GRM8: variants seen among roughly 807,000 people sequenced by gnomAD.
The protein encoded by GRM8 is glutamate metabotropic receptor 8, also known as metabotropic glutamate receptor 8.
Under a neutral mutation model 87.2 loss-of-function variants are expected in GRM8, and 47 were observed. The observed-to-expected ratio is 0.54, with a 90% confidence interval of 0.43 to 0.69. The LOEUF is 0.69. Among genes scored for constraint, GRM8 ranks in the 30% least tolerant of loss-of-function variants. The pLI is 0.00. For synonymous variants in GRM8, 396 were observed against 404.5 expected (o/e 0.98, Z 0.25); for missense variants, 1,019 against 1,139.2 (o/e 0.89, Z 1.52).
chr7:127,076,252 G>A (rs1419447), intron 3 of GRM8: 166,564 of 453,316 alleles, frequency 0.37, 33,217 homozygotes, highest in African/African-American at 0.56. Context: ...GACAAGGAAA[G>A]AAAAATGAGG....
At chr7:126,862,026 T>G (rs1461566233) in intron 6 of GRM8, among the ~76,000 whole-genome samples, 1 of 151,930 alleles carries the variant, frequency 6.6e-6, no homozygotes, top group African/African-American at 2.4e-5. Flanking sequence ...TAAAGAACTC[T>G]CTTGCTATTC....
At chr7:127,002,772 C>T (rs2132043342) in intron 3 of GRM8, among the ~76,000 whole-genome samples, 1 of 151,772 alleles carries the variant, frequency 6.6e-6, no homozygotes, top group African/African-American at 2.4e-5. Flanking sequence ...AAAGCATAAC[C>T]AAGTGATGGT....
chr7:126,464,375 C>T (rs575925323), intron 9 of GRM8, among the ~76,000 whole-genome samples: 2 of 151,184 alleles, frequency 1.3e-5, no homozygotes, highest in African/African-American at 4.8e-5. Context: ...GGCAACAGAT[C>T]ATTGGGTCTT....
intron 7 of GRM8, among the ~76,000 whole-genome samples, chr7:126,627,874 C>A (rs1800853431): frequency 6.6e-6 from 1 of 152,056 alleles, no homozygotes; most frequent in African/African-American, 2.4e-5. Context: ...CAATAATTTG[C>A]ATTTTTATTC....
intron 3 of GRM8, among the ~76,000 whole-genome samples, chr7:126,972,295 T>C (rs888016963): frequency 6.6e-6 from 1 of 152,244 alleles, no homozygotes; most frequent in Non-Finnish European, 1.5e-5. Context: ...AAATTGCTTA[T>C]TTTGCATCAT....
chr7:127,238,157 A>G (rs1798082855), intron 2 of GRM8, among the ~76,000 whole-genome samples: 1 of 152,068 alleles, frequency 6.6e-6, no homozygotes, highest in Non-Finnish European at 1.5e-5. Flanking sequence ...TATAGGATGG[A>G]GCTGTTCTGG....
chr7:127,143,495 A>G (rs1470717656), intron 2 of GRM8, among the ~76,000 whole-genome samples: 1 of 152,312 alleles, frequency 6.6e-6, no homozygotes, highest in East Asian at 1.9e-4. Flanking sequence ...GGTGTCTAGT[A>G]TAAGCATAAG....
chr7:126,614,585 G>A (rs919153880), intron 7 of GRM8, among the ~76,000 whole-genome samples: 4 of 152,144 alleles, frequency 2.6e-5, no homozygotes, highest in Admixed American at 2.6e-4. Context: ...TGAGCTAAAG[G>A]AGGAAGTTCG....
chr7:127,159,615 G>A (rs1299081894), intron 2 of GRM8, among the ~76,000 whole-genome samples: 1 of 152,016 alleles, frequency 6.6e-6, no homozygotes, highest in African/African-American at 2.4e-5. Flanking sequence ...TAAAAAAATT[G>A]TAATTTTTAA....
intron 3 of GRM8, among the ~76,000 whole-genome samples, chr7:126,906,253 T>G (rs1382497765): frequency 6.6e-6 from 1 of 152,192 alleles, no homozygotes; most frequent in Non-Finnish European, 1.5e-5. Flanking sequence ...CTCTCAGACC[T>G]TCAGCCTCCA....
chr7:126,769,596 T>G (rs1818599213), intron 7 of GRM8, among the ~76,000 whole-genome samples: 3 of 152,152 alleles, frequency 2.0e-5, no homozygotes, highest in Non-Finnish European at 4.4e-5. Context: ...GCCTTCTAAG[T>G]GATCTCTTCA....
chr7:127,165,706 CT>C (rs1793411556), intron 2 of GRM8, among the ~76,000 whole-genome samples: 1 of 152,152 alleles, frequency 6.6e-6, no homozygotes, highest in South Asian at 2.1e-4. Context: ...CACAGCCTGC[CT>C]TACACCTTTA....
At chr7:126,874,468 A>C (rs1028042844) in intron 6 of GRM8, among the ~76,000 whole-genome samples, 1 of 152,010 alleles carries the variant, frequency 6.6e-6, no homozygotes. Context: ...AGAATCTTTA[A>C]TCCTGATTTT....
intron 6 of GRM8, among the ~76,000 whole-genome samples, chr7:126,795,601 GTAA>G (rs1193446962): frequency 6.6e-6 from 1 of 152,098 alleles, no homozygotes; most frequent in East Asian, 1.9e-4. Flanking sequence ...GGAGTCATGA[GTAA>G]CAACCACCTC....
At chr7:126,627,103 T>C (rs551482067) in intron 7 of GRM8, among the ~76,000 whole-genome samples, 1 of 152,366 alleles carries the variant, frequency 6.6e-6, no homozygotes, top group African/African-American at 2.4e-5. Context: ...CTAGATAATA[T>C]TATCTGATAC....
chr7:127,201,764 A>C (rs1795621636), intron 2 of GRM8, among the ~76,000 whole-genome samples: 1 of 152,202 alleles, frequency 6.6e-6, no homozygotes, highest in African/African-American at 2.4e-5. Flanking sequence ...GTGAGTACCA[A>C]TAGGGTGAAG....
chr7:126,535,179 T>C (rs193063563), intron 8 of GRM8, among the ~76,000 whole-genome samples: 120 of 152,292 alleles, frequency 7.9e-4, no homozygotes, highest in East Asian at 1.9e-4. Flanking sequence ...CTTCTGAAAA[T>C]TGATGTACTC....
intron 9 of GRM8, among the ~76,000 whole-genome samples, chr7:126,530,324 C>T (rs1814594467): frequency 6.6e-6 from 1 of 152,228 alleles, no homozygotes; most frequent in Non-Finnish European, 1.5e-5. Context: ...TTCGGTGTCA[C>T]CAATGCACAG....
At chr7:126,536,997 T>C (rs979735092) in intron 8 of GRM8, among the ~76,000 whole-genome samples, 1 of 152,198 alleles carries the variant, frequency 6.6e-6, no homozygotes, top group African/African-American at 2.4e-5. Flanking sequence ...AAAAAAGAAA[T>C]GTACCTATAC....
Sources: allele counts gnomAD v4.1 joint callset (sites outside exome capture counted in the v4.1 genomes callset), GRCh38; gene constraint gnomAD v4.1.1; transcripts MANE v1.5; gene names NCBI Gene and HGNC (gene_info 2026-07-23, HGNC 2026-07-21).